Variants in NUGGC observed in about 807,000 individuals in gnomAD.
The protein encoded by NUGGC is nuclear GTPase SLIP-GC.
NUGGC carries 58 observed loss-of-function variants against 92.6 expected under a neutral mutation model. That is an observed-to-expected ratio of 0.63 (90% confidence interval 0.51 to 0.78). The LOEUF (loss-of-function observed/expected upper bound fraction) is 0.78, where lower values mean the gene tolerates loss of function less well. Ranked by LOEUF, NUGGC falls within the 30% of genes least tolerant of loss-of-function variation. The probability of loss-of-function intolerance (pLI) is 0.00; values close to 1 mark genes in which losing one functional copy is unlikely to be tolerated. For missense variants in NUGGC, 925 were observed against 964.6 expected (o/e 0.96, Z 0.54); for synonymous variants, 376 against 366.4 (o/e 1.03, Z -0.30).
At chr8:28,082,399 C>G (rs958565286) in intron 1 of NUGGC, among the ~76,000 whole-genome samples, 1 of 152,204 alleles carries the variant, frequency 6.6e-6, no homozygotes, top group Admixed American at 6.5e-5. Flanking sequence ...TCATATTGCT[C>G]TCCCAAGCTT....
chr8:28,034,202 T>C (rs868730984), intron 13 of NUGGC, among the ~76,000 whole-genome samples: 1 of 152,266 alleles, frequency 6.6e-6, no homozygotes, highest in Non-Finnish European at 1.5e-5. Context: ...TTTGTTAAAC[T>C]TTTAATGAAA....
In NUGGC at chr8:28,022,098, T is replaced by A. The variant is rs903928144; in HGVS notation, c.*1219A>T. 6.6e-6 allele frequency: 1 copy of A among 151,316 alleles called. No homozygotes were observed. The highest frequency in any genetic ancestry group is 2.4e-5 in the African/African-American group (1 of 41,306). The allele number at this position is 151,316 out of a possible 1,614,324, so 9.4% of individuals were successfully genotyped here. ...ATATCGTGCAATGTTTTTTCTATAA[T>A]GTTTAAGTTTTTTTATGTATGGGTG... On this transcript the variant is annotated 3_prime_UTR_variant, in exon 19 of 19. Coordinates refer to ENST00000413272, the MANE Select transcript of NUGGC (RefSeq NM_001010906.2).
rs187341920 is a variant in NUGGC, at chr8:28,056,675, G to A, written c.1117-621C>T. Among the ~76,000 whole-genome samples the A allele has an allele frequency of 1.5e-3, 233 of 152,150 alleles. 2 individuals carry two copies. Among genetic ancestry groups the A allele is most frequent in the Non-Finnish European group, 1.0e-3 (71 of 67,994 alleles). ...AAAGGTGTCATGAATACATAAAATA[G>A]ATGTAGATCCCAGTTTATATTTGAT... On this transcript the variant is annotated intron_variant, in intron 9 of 18. Transcript: ENST00000413272.
At chr8:28,054,598 T>A (rs2130180902) in intron 10 of NUGGC, among the ~76,000 whole-genome samples, 1 of 152,358 alleles carries the variant, frequency 6.6e-6, no homozygotes, top group East Asian at 1.9e-4. Context: ...GCCTTATCCC[T>A]GTCCACTCCC....
chr8:28,034,153 T>C (rs1198765464), intron 13 of NUGGC, among the ~76,000 whole-genome samples: 1 of 152,248 alleles, frequency 6.6e-6, no homozygotes, highest in Non-Finnish European at 1.5e-5. Flanking sequence ...TAAGTATATG[T>C]CTTGAATTTT....
Position 28,033,573 on chromosome 8 carries a change from T to C in NUGGC, c.1736A>G (p.Asp579Gly). Reference protein sequence around the residue: ...LNEALTQPVYDQIDPVFGSIF... With the variant: ...LNEALTQPVYGQIDPVFGSIF... Reference sequence around the variant, plus strand: ...GCTTCCAAAAACAGGGTCGATCTGGTCATAGACGGGCTGAGTGAGGGCTTC... The same window carrying C: ...GCTTCCAAAAACAGGGTCGATCTGGCCATAGACGGGCTGAGTGAGGGCTTC... Residue 579 changes from aspartate (D) to glycine (G), a missense_variant, in exon 14 of 19, where the codon GAC becomes GGC. Physicochemically the swap from Asp to Gly is moderately conservative, Grantham distance 94. Transcript: ENST00000413272. 1 of 1,613,996 alleles carries C rather than the reference T, an allele frequency of 6.2e-7. No individual in the cohort carries two copies. Among genetic ancestry groups the C allele is most frequent in the African/African-American group, 1.3e-5 (1 of 75,060 alleles).
At chr8:28,047,659 C>A in intron 10 of NUGGC, 47 bp from the exon 11 acceptor site, 1 of 1,211,064 alleles carries the variant, frequency 8.3e-7, no homozygotes, top group Non-Finnish European at 1.2e-6. Context: ...CAAACCATAG[C>A]AAAGGCAATC....
intron 12 of NUGGC, among the ~76,000 whole-genome samples, chr8:28,044,189 C>T (rs1475575492): frequency 2.0e-5 from 3 of 152,152 alleles, no homozygotes; most frequent in African/African-American, 7.2e-5. Flanking sequence ...ACCAGCTCCT[C>T]GACCACTCAC....
intron 1 of NUGGC, among the ~76,000 whole-genome samples, chr8:28,083,500 G>A (rs1434486562): frequency 6.6e-6 from 1 of 152,202 alleles, no homozygotes. Flanking sequence ...CTGATAGGAT[G>A]CCACAGTAGA....
chr8:28,061,441 T>C (rs1810303094), intron 7 of NUGGC, among the ~76,000 whole-genome samples: 2 of 152,226 alleles, frequency 1.3e-5, no homozygotes, highest in African/African-American at 4.8e-5. Flanking sequence ...AACTCAGGGA[T>C]TGAGTTTATT....
At chr8:28,028,741 A>G (rs904540250) in intron 17 of NUGGC, among the ~76,000 whole-genome samples, 1 of 152,206 alleles carries the variant, frequency 6.6e-6, no homozygotes, top group Non-Finnish European at 1.5e-5. Context: ...GATAAAATTA[A>G]AGCTGAATGT....
In NUGGC at chr8:28,041,176, C is replaced by G. The variant is rs1809689075; in HGVS notation, c.1486G>C (p.Glu496Gln). 6.2e-7 allele frequency: 1 copy of G among 1,611,086 alleles called. No homozygotes were observed. The highest frequency in any genetic ancestry group is 8.5e-7 in the Non-Finnish European group (1 of 1,178,872). Reference protein sequence around the residue: ...LHMSVLRRFAEEKVELLEKAI... With the variant: ...LHMSVLRRFAQEKVELLEKAI... ...TTCTCCAGCAGCTCAACCTTCTCTT[C>G]CGCAAATCTCCGCAGGACACTCATG... Residue 496 changes from glutamate (E) to glutamine (Q), a missense_variant, in exon 13 of 19, where the codon GAA becomes CAA. Transcript: ENST00000413272.
rs764541235 is a variant in NUGGC, at chr8:28,068,335, T to C, written c.361A>G (p.Ile121Val). 1.1e-5 allele frequency: 17 copies of C among 1,567,782 alleles called. No individual in the cohort carries two copies. Among genetic ancestry groups the C allele is most frequent in the African/African-American group, 1.4e-5 (1 of 73,916 alleles). ...ACTGGTAGAAACATTGCTTGCTGGA[T>C]GATGGCATTGATCAGGGAGCTCTTC... ...AGKSSLINAI[I>V]QQAMFLPVSG... Residue 121 changes from isoleucine (I) to valine (V), a missense_variant, in exon 5 of 19, where the codon ATC becomes GTC. Ile to Val is a conservative substitution (Grantham distance 29). Coordinates refer to ENST00000413272, the MANE Select transcript of NUGGC (RefSeq NM_001010906.2).
intron 2 of NUGGC, among the ~76,000 whole-genome samples, chr8:28,073,888 T>C (rs1275014365): frequency 6.6e-6 from 1 of 152,134 alleles, no homozygotes; most frequent in Non-Finnish European, 1.5e-5. Flanking sequence ...GACCTCCGCC[T>C]CCTGGGTTCA....
rs138862506 is a variant in NUGGC, at chr8:28,063,247, G to A, written c.921+1275C>T. ...AGGGGAGCTGGGCCAGGCAGAGCAC[G>A]GTGGGAACCATCCCTCGCTTCAGCC... is the stretch of plus-strand genomic sequence containing the variant. On this transcript the variant is annotated intron_variant, in intron 7 of 18. Transcript: ENST00000413272. 3.6e-3 allele frequency among the ~76,000 whole-genome samples: 553 copies of A among 152,298 alleles called. 7 individuals carry two copies. Among genetic ancestry groups the A allele is most frequent in the African/African-American group, 0.012 (504 of 41,568 alleles).
chr8:28,062,184 C>A (rs1585589774), intron 7 of NUGGC, among the ~76,000 whole-genome samples: 2 of 152,208 alleles, frequency 1.3e-5, no homozygotes, highest in East Asian at 3.9e-4. Context: ...TAATGAAGCC[C>A]AAGCGGTAAA....
intron 4 of NUGGC, 37 bp from the exon 5 acceptor site, chr8:28,068,475 C>A: frequency 7.1e-7 from 1 of 1,406,248 alleles, no homozygotes; most frequent in Non-Finnish European, 9.8e-7. Flanking sequence ...CCATGATCAT[C>A]AAAGTTTAGA....
At chr8:28,037,795 G>A (rs895971106) in intron 13 of NUGGC, among the ~76,000 whole-genome samples, 1 of 152,156 alleles carries the variant, frequency 6.6e-6, no homozygotes, top group Non-Finnish European at 1.5e-5. Flanking sequence ...TGTTCCTCTA[G>A]ACCAGTGATT....
chr8:28,031,425 C>T (rs371097445), intron 14 of NUGGC, 44 bp from the exon 15 acceptor site: 4 of 1,596,354 alleles, frequency 2.5e-6, no homozygotes, highest in South Asian at 1.1e-5. Context: ...ATGGTGGCTG[C>T]TGTGAGGCTG....
Sources: gnomAD v4.1 joint callset for allele counts (sites outside exome capture counted in the v4.1 genomes callset) on GRCh38, gnomAD v4.1.1 for gene constraint, MANE v1.5 for transcripts, NCBI Gene and HGNC (gene_info 2026-07-23, HGNC 2026-07-21) for gene names.